Variants in LRFN5 observed in about 807,000 individuals in gnomAD.
LRFN5 encodes leucine-rich repeat and fibronectin type-III domain-containing protein 5.
Under a neutral mutation model 45.6 loss-of-function variants are expected in LRFN5, and 24 were observed. The ratio of observed to expected loss-of-function variants is 0.53; its 90% CI spans 0.38 to 0.74. LRFN5 has a LOEUF of 0.74. Among genes scored for constraint, LRFN5 ranks in the 30% least tolerant of loss-of-function variants. The pLI, the probability that LRFN5 is intolerant of heterozygous loss-of-function variation, is 0.00. For synonymous variants in LRFN5, 340 were observed against 313.8 expected (o/e 1.08, Z -0.88); for missense variants, 776 against 861.5 (o/e 0.90, Z 1.24).
At chr14:41,692,169 C>T (rs1308773163) in intron 1 of LRFN5, among the ~76,000 whole-genome samples, 1 of 152,074 alleles carries the variant, frequency 6.6e-6, no homozygotes, top group Non-Finnish European at 1.5e-5. Flanking sequence ...TTTCAAAGTA[C>T]TTGTGCCACT....
chr14:41,746,830 G>A (rs574965729), intron 1 of LRFN5, among the ~76,000 whole-genome samples: 1 of 151,976 alleles, frequency 6.6e-6, no homozygotes, highest in Non-Finnish European at 1.5e-5. Flanking sequence ...CTGAAAGCCT[G>A]CTAGAACTAA....
In LRFN5 at chr14:41,865,105, C is replaced by A. The variant is rs1275187105; in HGVS notation, c.-20-21501C>A. Among the ~76,000 whole-genome samples, 14 of 151,952 alleles carry A rather than the reference C, an allele frequency of 9.2e-5. 1 individual carries two copies. Among genetic ancestry groups the A allele is most frequent in the Admixed American group, 9.2e-4 (14 of 15,244 alleles). ...TATAATTCATGTGCCATTCAATCTCCTCATTAAAGCTGTGCAATCTAGTGT... is the reference window on the plus strand; with the variant it reads ...TATAATTCATGTGCCATTCAATCTCATCATTAAAGCTGTGCAATCTAGTGT... On this transcript the variant is annotated intron_variant, in intron 2 of 5. Coordinates refer to ENST00000298119, the MANE Select transcript of LRFN5 (RefSeq NM_152447.5).
chr14:41,880,017 T>TC (rs1355987545), intron 2 of LRFN5, among the ~76,000 whole-genome samples: 1 of 145,974 alleles, frequency 6.9e-6, no homozygotes, highest in African/African-American at 2.5e-5. Flanking sequence ...AAGCTCTGCC[T>TC]CCTGGGTTCG....
chr14:41,606,966 C>T lies in LRFN5; in HGVS notation c.-1793C>T, dbSNP rs1485440991. On this transcript the variant is annotated 5_prime_UTR_variant, in exon 1 of 6. Coordinates refer to ENST00000298119, the MANE Select transcript of LRFN5 (RefSeq NM_152447.5). ...GCCCACACGCGACGCTTTGGGAAGC[C>T]CAGCTCCCGGGTCCGCCCCGGCCGC... Among the ~76,000 whole-genome samples the T allele has an allele frequency of 1.3e-5, 2 of 151,944 alleles. No individual in the cohort carries two copies. Among genetic ancestry groups the T allele is most frequent in the Non-Finnish European group, 2.9e-5 (2 of 67,958 alleles).
At chr14:41,619,324 T>C (rs1001586502) in intron 1 of LRFN5, among the ~76,000 whole-genome samples, 8 of 152,046 alleles carry the variant, frequency 5.3e-5, no homozygotes, top group African/African-American at 1.9e-4. Flanking sequence ...CTATTACAGG[T>C]ATAATGAGGT....
At chr14:41,849,737 C>T (rs558609922) in intron 2 of LRFN5, among the ~76,000 whole-genome samples, 152 of 152,018 alleles carry the variant, frequency 1.0e-3, no homozygotes, top group Middle Eastern at 3.4e-3. Context: ...TGCGTCGGCT[C>T]AAAGGGAAGT....
At chr14:41,744,036 A>T (rs1215848246) in intron 1 of LRFN5, among the ~76,000 whole-genome samples, 1 of 152,154 alleles carries the variant, frequency 6.6e-6, no homozygotes, top group East Asian at 1.9e-4. Context: ...TACAAATAAA[A>T]TACTAAAGAA....
intron 1 of LRFN5, among the ~76,000 whole-genome samples, chr14:41,747,964 G>T (rs911631032): frequency 6.6e-6 from 1 of 151,954 alleles, no homozygotes; most frequent in Non-Finnish European, 1.5e-5. Context: ...ATACTACTTC[G>T]TAATCATTAG....
chr14:41,779,369 A>G (rs1416712672), intron 2 of LRFN5, among the ~76,000 whole-genome samples: 1 of 151,752 alleles, frequency 6.6e-6, no homozygotes, highest in Non-Finnish European at 1.5e-5. Flanking sequence ...TGTTTGTTCA[A>G]TTTGTTAATA....
intron 1 of LRFN5, among the ~76,000 whole-genome samples, chr14:41,675,040 G>A (rs953739063): frequency 6.6e-6 from 1 of 152,028 alleles, no homozygotes; most frequent in African/African-American, 2.4e-5. Context: ...CTTCCTAGAT[G>A]GGATGGCGGC....
intron 1 of LRFN5, among the ~76,000 whole-genome samples, chr14:41,739,074 G>T (rs569847911): frequency 1.3e-5 from 2 of 152,186 alleles, no homozygotes; most frequent in Admixed American, 1.3e-4. Context: ...TGACTAAAAT[G>T]GCAGGAAACT....
chr14:41,677,764 A>G (rs1036519481), intron 1 of LRFN5, among the ~76,000 whole-genome samples: 2 of 152,056 alleles, frequency 1.3e-5, no homozygotes, highest in Non-Finnish European at 2.9e-5. Context: ...TTAGACATAC[A>G]ATATATATAT....
intron 1 of LRFN5, among the ~76,000 whole-genome samples, chr14:41,665,760 T>G (rs966115829): frequency 6.6e-6 from 1 of 152,028 alleles, no homozygotes; most frequent in Non-Finnish European, 1.5e-5. Flanking sequence ...TTTTTTAAAG[T>G]GCTCACTTCA....
intron 2 of LRFN5, among the ~76,000 whole-genome samples, chr14:41,868,156 T>TA (rs1889901210): frequency 6.6e-6 from 1 of 152,054 alleles, no homozygotes; most frequent in Non-Finnish European, 1.5e-5. Context: ...TGCAATACAG[T>TA]AAAAAAGTTT....
intron 1 of LRFN5, among the ~76,000 whole-genome samples, chr14:41,678,225 C>T (rs745980438): frequency 2.6e-5 from 4 of 151,874 alleles, no homozygotes; most frequent in African/African-American, 7.3e-5. Context: ...AAAGATCACT[C>T]TACCTGGAAG....
chr14:41,859,047 G>A (rs1889571690), intron 2 of LRFN5, among the ~76,000 whole-genome samples: 1 of 152,096 alleles, frequency 6.6e-6, no homozygotes, highest in African/African-American at 2.4e-5. Context: ...TTAATAGCTG[G>A]CTGGTCATTG....
chr14:41,749,664 T>C (rs1269870774), intron 1 of LRFN5, among the ~76,000 whole-genome samples: 1 of 152,014 alleles, frequency 6.6e-6, no homozygotes, highest in Non-Finnish European at 1.5e-5. Flanking sequence ...TGGGGTCTAT[T>C]TGAGTGGGAG....
chr14:41,781,478 C>G (rs1197130285), intron 2 of LRFN5, among the ~76,000 whole-genome samples: 2 of 104,584 alleles, frequency 1.9e-5, no homozygotes, highest in African/African-American at 7.4e-5. Context: ...GACCCTGTCT[C>G]AAATAAAATT....
intron 2 of LRFN5, among the ~76,000 whole-genome samples, chr14:41,837,235 A>G (rs1238200492): frequency 1.3e-5 from 2 of 150,986 alleles, no homozygotes; most frequent in African/African-American, 4.9e-5. Context: ...GTTTGAATAA[A>G]TCTCAGTTAA....
Sources: allele counts gnomAD v4.1 joint callset (sites outside exome capture counted in the v4.1 genomes callset), GRCh38; gene constraint gnomAD v4.1.1; transcripts MANE v1.5; gene names NCBI Gene and HGNC (gene_info 2026-07-23, HGNC 2026-07-21).